Variants in KCND2 observed in about 807,000 individuals in gnomAD.
The protein encoded by KCND2 is A-type voltage-gated potassium channel KCND2.
In KCND2, 16 loss-of-function variants were observed where a neutral mutation model predicts 54.4. The ratio of observed to expected loss-of-function variants is 0.29; its 90% CI spans 0.20 to 0.45. KCND2 has a LOEUF of 0.45. Ranked by LOEUF, KCND2 falls within the 20% of genes least tolerant of loss-of-function variation. The pLI, the probability that KCND2 is intolerant of heterozygous loss-of-function variation, is 1.00. For synonymous variants in KCND2, 317 were observed against 310.7 expected (o/e 1.02, Z -0.21); for missense variants, 486 against 824.2 (o/e 0.59, Z 5.02).
chr7:120,501,639 G>C (rs1584803755), intron 1 of KCND2, among the ~76,000 whole-genome samples: 1 of 152,066 alleles, frequency 6.6e-6, no homozygotes, highest in East Asian at 1.9e-4. Context: ...TATTTAGCTT[G>C]TAGACTTAAC....
At chr7:120,316,141 C>G (rs1181271257) in intron 1 of KCND2, among the ~76,000 whole-genome samples, 4 of 152,148 alleles carry the variant, frequency 2.6e-5, no homozygotes, top group African/African-American at 9.7e-5. Context: ...CGTTTATCTT[C>G]CATTTTAGAA....
At chr7:120,503,687 C>T (rs1340146634) in intron 1 of KCND2, among the ~76,000 whole-genome samples, 1 of 151,918 alleles carries the variant, frequency 6.6e-6, no homozygotes, top group African/African-American at 2.4e-5. Context: ...ATATTTAGTT[C>T]CGTCTCGATC....
chr7:120,397,569 TA>T (rs1195517609), intron 1 of KCND2, among the ~76,000 whole-genome samples: 1 of 152,012 alleles, frequency 6.6e-6, no homozygotes, highest in Non-Finnish European at 1.5e-5. Flanking sequence ...TCAATTTCTT[TA>T]AAATGTATTG....
At chr7:120,307,692 G>A (rs1303959736) in intron 1 of KCND2, among the ~76,000 whole-genome samples, 1 of 152,066 alleles carries the variant, frequency 6.6e-6, no homozygotes, top group Non-Finnish European at 1.5e-5. Context: ...TATTCAGAAA[G>A]CATGCCTCAG....
intron 1 of KCND2, among the ~76,000 whole-genome samples, chr7:120,296,384 T>C (rs1239998068): frequency 6.6e-6 from 1 of 152,080 alleles, no homozygotes. Flanking sequence ...CCTAGGACCA[T>C]GGAGAGAGGA....
intron 1 of KCND2, among the ~76,000 whole-genome samples, chr7:120,395,127 T>C (rs1801135432): frequency 6.6e-6 from 1 of 152,068 alleles, no homozygotes; most frequent in Admixed American, 6.6e-5. Flanking sequence ...TGTATATCAT[T>C]GGAGGTAACA....
chr7:120,578,482 A>C lies in KCND2; in HGVS notation c.1116-154421A>C, dbSNP rs185971549. ...AGTCTACCATTAGCCAATTAATCAC[A>C]TTCTGTCCTCAACAAAGTAATAAGA... On this transcript the variant is annotated intron_variant, in intron 1 of 5. Transcript: ENST00000331113. Among the ~76,000 whole-genome samples the C allele has an allele frequency of 1.9e-3, 296 of 152,240 alleles. 2 individuals are homozygous for C. Among genetic ancestry groups the C allele is most frequent in the Non-Finnish European group, 2.6e-3 (179 of 68,020 alleles).
chr7:120,407,331 G>T (rs1410632630), intron 1 of KCND2, among the ~76,000 whole-genome samples: 1 of 151,960 alleles, frequency 6.6e-6, no homozygotes, highest in African/African-American at 2.4e-5. Flanking sequence ...AGAATGTAGA[G>T]ATACATAAGA....
chr7:120,317,504 T>A (rs942116243), intron 1 of KCND2, among the ~76,000 whole-genome samples: 1 of 152,186 alleles, frequency 6.6e-6, no homozygotes, highest in Non-Finnish European at 1.5e-5. Context: ...CTGTATTCAG[T>A]GTGAATTATG....
intron 1 of KCND2, among the ~76,000 whole-genome samples, chr7:120,512,267 A>G (rs1323582675): frequency 6.6e-6 from 1 of 152,046 alleles, no homozygotes; most frequent in East Asian, 1.9e-4. Context: ...AAAATTAAGA[A>G]CTGGTAGAAT....
At chr7:120,624,666 A>G (rs545136317) in intron 1 of KCND2, among the ~76,000 whole-genome samples, 2 of 152,204 alleles carry the variant, frequency 1.3e-5, no homozygotes, top group African/African-American at 4.8e-5. Flanking sequence ...CTGTGGTCCC[A>G]GCTAATTTGG....
chr7:120,504,329 A>T (rs937337489), intron 1 of KCND2, among the ~76,000 whole-genome samples: 2 of 151,976 alleles, frequency 1.3e-5, no homozygotes, highest in African/African-American at 4.8e-5. Context: ...AAATTACTTC[A>T]ACACAGTGAA....
At chr7:120,347,767 A>AT (rs1169802151) in intron 1 of KCND2, among the ~76,000 whole-genome samples, 1 of 152,122 alleles carries the variant, frequency 6.6e-6, no homozygotes, top group East Asian at 1.9e-4. Flanking sequence ...CAAAAAAAAA[A>AT]AAAAGCTGCA....
intron 1 of KCND2, among the ~76,000 whole-genome samples, chr7:120,439,889 C>T: frequency 6.6e-6 from 1 of 151,928 alleles, no homozygotes; most frequent in East Asian, 1.9e-4. Flanking sequence ...ACACTTTATC[C>T]CTTCATCTGT....
chr7:120,427,430 C>T (rs934998388), intron 1 of KCND2, among the ~76,000 whole-genome samples: 1 of 152,136 alleles, frequency 6.6e-6, no homozygotes, highest in African/African-American at 2.4e-5. Flanking sequence ...CTCGGAATAA[C>T]AGTTTTTTAG....
intron 1 of KCND2, among the ~76,000 whole-genome samples, chr7:120,689,349 T>G: frequency 6.6e-6 from 1 of 152,222 alleles, no homozygotes; most frequent in East Asian, 1.9e-4. Flanking sequence ...AAATTTTATT[T>G]TTTTAAATGT....
At chr7:120,735,023 A>AT (rs1474649854) in intron 2 of KCND2, among the ~76,000 whole-genome samples, 2 of 152,132 alleles carry the variant, frequency 1.3e-5, no homozygotes, top group Non-Finnish European at 2.9e-5. Flanking sequence ...CCACTGTCAA[A>AT]GATCTTCTTC....
At chr7:120,507,778 A>G (rs1159892561) in intron 1 of KCND2, among the ~76,000 whole-genome samples, 1 of 151,876 alleles carries the variant, frequency 6.6e-6, no homozygotes, top group Non-Finnish European at 1.5e-5. Flanking sequence ...AAACACTGTT[A>G]TTTTAGATTT....
At chr7:120,628,394 G>A (rs1374490512) in intron 1 of KCND2, among the ~76,000 whole-genome samples, 1 of 152,212 alleles carries the variant, frequency 6.6e-6, no homozygotes, top group Non-Finnish European at 1.5e-5. Flanking sequence ...GAGCAAATCA[G>A]TGTTTCACAG....
Sources: allele counts gnomAD v4.1 joint callset (sites outside exome capture counted in the v4.1 genomes callset), GRCh38; gene constraint gnomAD v4.1.1; transcripts MANE v1.5; gene names NCBI Gene and HGNC (gene_info 2026-07-23, HGNC 2026-07-21).